The following NALF1 variants were observed in gnomAD, a reference collection of about 807,000 sequenced individuals.
NALF1 encodes family with sequence similarity 155 member A.
NALF1 carries 3 observed loss-of-function variants against 48.4 expected under a neutral mutation model. The ratio of observed to expected loss-of-function variants is 0.06; its 90% CI spans 0.03 to 0.16. NALF1 has a LOEUF of 0.16. Ranked by LOEUF, NALF1 falls within the 10% of genes least tolerant of loss-of-function variation. NALF1 has a pLI of 1.00. For missense variants in NALF1, 526 were observed against 571.5 expected (o/e 0.92, Z 0.81); for synonymous variants, 262 against 245.7 (o/e 1.07, Z -0.62).
chr13:107,400,995 T>G (rs1883797069), intron 1 of NALF1, among the ~76,000 whole-genome samples: 1 of 152,120 alleles, frequency 6.6e-6, no homozygotes, highest in Non-Finnish European at 1.5e-5. Context: ...ATAAATGCAG[T>G]CTTAATTATG....
intron 1 of NALF1, among the ~76,000 whole-genome samples, chr13:107,828,984 A>G (rs1249172456): frequency 1.3e-5 from 2 of 152,132 alleles, no homozygotes; most frequent in Non-Finnish European, 2.9e-5. Flanking sequence ...TTCTGACCCA[A>G]AGTTCAATAA....
chr13:107,263,674 C>T (rs558866512), intron 1 of NALF1, among the ~76,000 whole-genome samples: 3 of 152,232 alleles, frequency 2.0e-5, no homozygotes, highest in Admixed American at 2.0e-4. Context: ...TGCCTTTTAC[C>T]TTCCACCATG....
intron 1 of NALF1, among the ~76,000 whole-genome samples, chr13:107,325,746 T>C (rs1209856879): frequency 6.7e-6 from 1 of 149,462 alleles, no homozygotes; most frequent in Non-Finnish European, 1.5e-5. Flanking sequence ...GGCGCTGAGG[T>C]AGGAGGATTG....
At chr13:107,708,196 A>T (rs1017873477) in intron 1 of NALF1, among the ~76,000 whole-genome samples, 1 of 152,138 alleles carries the variant, frequency 6.6e-6, no homozygotes, top group African/African-American at 2.4e-5. Context: ...TTTTTTCTCC[A>T]TTATGTCTGA....
chr13:107,650,745 TAAAG>T (rs935850193), intron 1 of NALF1, among the ~76,000 whole-genome samples: 6 of 151,864 alleles, frequency 4.0e-5, no homozygotes, highest in Admixed American at 1.3e-4. Flanking sequence ...AAATAAAAAA[TAAAG>T]AAAGAGATCA....
In NALF1 at chr13:107,830,121, C is replaced by T. The variant is rs74112664; in HGVS notation, c.915+35561G>A. On this transcript the variant is annotated intron_variant, in intron 1 of 2. Coordinates refer to ENST00000375915, the MANE Select transcript of NALF1 (RefSeq NM_001080396.3). ...TGAGAACAATTCGGCCCAGCTGTCT[C>T]TGGCCCATTTCCCTTTCTACCGCCT... Among the ~76,000 whole-genome samples the T allele has an allele frequency of 2.4e-3, 361 of 152,308 alleles. 3 individuals are homozygous for T. The highest frequency in any genetic ancestry group is 7.7e-3 in the African/African-American group (322 of 41,572).
chr13:107,371,674 AT>A (rs1883251154), intron 1 of NALF1, among the ~76,000 whole-genome samples: 1 of 152,106 alleles, frequency 6.6e-6, no homozygotes, highest in African/African-American at 2.4e-5. Flanking sequence ...TGAGGTTGCT[AT>A]TTTACACAGG....
intron 1 of NALF1, among the ~76,000 whole-genome samples, chr13:107,686,813 G>A (rs777611473): frequency 8.5e-5 from 13 of 152,140 alleles, no homozygotes; most frequent in Non-Finnish European, 1.9e-4. Context: ...ATGTTGGTGA[G>A]GGCGTGGAGA....
At chr13:107,326,087 A>G (rs922482106) in intron 1 of NALF1, among the ~76,000 whole-genome samples, 3 of 151,522 alleles carry the variant, frequency 2.0e-5, no homozygotes, top group East Asian at 3.9e-4. Flanking sequence ...ACAAATTTCC[A>G]AACAATTTTT....
intron 1 of NALF1, among the ~76,000 whole-genome samples, chr13:107,419,605 C>A (rs898008510): frequency 1.3e-5 from 2 of 152,054 alleles, no homozygotes; most frequent in Non-Finnish European, 1.5e-5. Context: ...CTCTGTGGCC[C>A]CTCCCCTCTG....
At chr13:107,482,205 T>C (rs570549907) in intron 1 of NALF1, among the ~76,000 whole-genome samples, 1 of 152,212 alleles carries the variant, frequency 6.6e-6, no homozygotes, top group Non-Finnish European at 1.5e-5. Context: ...GAGCTCTGCC[T>C]CCAGATGGCC....
chr13:107,417,021 T>C (rs1884101992), intron 1 of NALF1, among the ~76,000 whole-genome samples: 1 of 152,238 alleles, frequency 6.6e-6, no homozygotes, highest in Non-Finnish European at 1.5e-5. Flanking sequence ...GTGCCAACTT[T>C]CATTCAGTCA....
At chr13:107,182,635 A>G (rs1376007041) in intron 2 of NALF1, among the ~76,000 whole-genome samples, 2 of 152,112 alleles carry the variant, frequency 1.3e-5, no homozygotes, top group Non-Finnish European at 2.9e-5. Context: ...TATTAATTCT[A>G]TTAGAACTTA....
intron 1 of NALF1, among the ~76,000 whole-genome samples, chr13:107,346,155 G>A (rs903214725): frequency 1.1e-4 from 16 of 151,922 alleles, no homozygotes; most frequent in Admixed American, 3.3e-4. Flanking sequence ...GAAACATTGC[G>A]TACTTTGTTG....
At chr13:107,601,795 A>G (rs1179246595) in intron 1 of NALF1, among the ~76,000 whole-genome samples, 1 of 152,166 alleles carries the variant, frequency 6.6e-6, no homozygotes, top group South Asian at 2.1e-4. Context: ...AGGTGGAAAT[A>G]GAGTATGTTT....
chr13:107,647,913 CT>C (rs1167147479), intron 1 of NALF1, among the ~76,000 whole-genome samples: 1 of 151,922 alleles, frequency 6.6e-6, no homozygotes, highest in Non-Finnish European at 1.5e-5. Context: ...TAAAACTGAG[CT>C]TAACAAATTT....
chr13:107,390,846 C>T (rs888604958), intron 1 of NALF1, among the ~76,000 whole-genome samples: 16 of 150,696 alleles, frequency 1.1e-4, no homozygotes, highest in Admixed American at 5.3e-4. Flanking sequence ...TACATCTACA[C>T]GACCAAAAGT....
At chr13:107,511,230 A>T (rs1875880308) in intron 1 of NALF1, among the ~76,000 whole-genome samples, 1 of 152,152 alleles carries the variant, frequency 6.6e-6, no homozygotes, top group Non-Finnish European at 1.5e-5. Context: ...CAAGTCTCAA[A>T]TCCGACTCTT....
chr13:107,765,015 C>T (rs1877383334), intron 1 of NALF1, among the ~76,000 whole-genome samples: 1 of 152,128 alleles, frequency 6.6e-6, no homozygotes, highest in Non-Finnish European at 1.5e-5. Context: ...AGCATCCTTG[C>T]TAAGTCCTCT....
Sources: gnomAD v4.1 joint callset for allele counts (sites outside exome capture counted in the v4.1 genomes callset) on GRCh38, gnomAD v4.1.1 for gene constraint, MANE v1.5 for transcripts, NCBI Gene and HGNC (gene_info 2026-07-23, HGNC 2026-07-21) for gene names.